Variants in DLG2 observed in about 807,000 individuals in gnomAD.
The protein encoded by DLG2 is disks large homolog 2.
DLG2 carries 45 observed loss-of-function variants against 132.5 expected under a neutral mutation model. The ratio of observed to expected loss-of-function variants is 0.34; its 90% CI spans 0.27 to 0.44. The LOEUF (loss-of-function observed/expected upper bound fraction) is 0.44, where lower values mean the gene tolerates loss of function less well. DLG2 is among the 20% of genes least tolerant of loss of function. The probability of loss-of-function intolerance (pLI) is 1.00; values close to 1 mark genes in which losing one functional copy is unlikely to be tolerated. For synonymous variants in DLG2, 424 were observed against 419.6 expected (o/e 1.01, Z -0.13); for missense variants, 1,045 against 1,196.9 (o/e 0.87, Z 1.87).
intron 11 of DLG2, among the ~76,000 whole-genome samples, chr11:84,052,669 T>C (rs1030560491): frequency 8.6e-5 from 11 of 128,146 alleles, no homozygotes; most frequent in African/African-American, 2.7e-4. Context: ...CCAGCTAGAA[T>C]GGCTATTATT....
At chr11:85,606,895 C>T (rs904831677) in intron 2 of DLG2, among the ~76,000 whole-genome samples, 34 of 152,288 alleles carry the variant, frequency 2.2e-4, no homozygotes, top group African/African-American at 8.2e-4. Context: ...AAGGAAGAAA[C>T]TCTGGACACA....
intron 6 of DLG2, among the ~76,000 whole-genome samples, chr11:84,966,368 G>A (rs1318401453): frequency 6.6e-6 from 1 of 151,990 alleles, no homozygotes; most frequent in Non-Finnish European, 1.5e-5. Flanking sequence ...CACATAATAT[G>A]TTTCCTGAGG....
At chr11:85,571,649 T>C (rs1001447912) in intron 3 of DLG2, among the ~76,000 whole-genome samples, 4 of 152,204 alleles carry the variant, frequency 2.6e-5, no homozygotes, top group Non-Finnish European at 4.4e-5. Flanking sequence ...GGTCTCCCAA[T>C]TTCATAAGAA....
At chr11:84,153,558 T>C (rs2095356607) in intron 9 of DLG2, among the ~76,000 whole-genome samples, 1 of 152,234 alleles carries the variant, frequency 6.6e-6, no homozygotes, top group Admixed American at 6.5e-5. Context: ...ATTTTTTCTT[T>C]ATTTTTGTCT....
chr11:84,308,025 G>A (rs2098244499), intron 7 of DLG2, among the ~76,000 whole-genome samples: 1 of 152,186 alleles, frequency 6.6e-6, no homozygotes, highest in Admixed American at 6.5e-5. Flanking sequence ...GCAGCAGCAA[G>A]ATTTATTGCA....
chr11:85,274,260 A>T (rs1281317119), intron 4 of DLG2, among the ~76,000 whole-genome samples: 2 of 152,222 alleles, frequency 1.3e-5, no homozygotes, highest in Non-Finnish European at 2.9e-5. Flanking sequence ...TAATTAAAAA[A>T]AGTAAGATTA....
At chr11:83,569,505 A>G (rs1407321977) in intron 19 of DLG2, among the ~76,000 whole-genome samples, 1 of 152,178 alleles carries the variant, frequency 6.6e-6, no homozygotes, top group Non-Finnish European at 1.5e-5. Context: ...TTTACAGATG[A>G]GGAAATTGCA....
At chr11:85,068,397 A>C (rs1324909289) in intron 6 of DLG2, among the ~76,000 whole-genome samples, 1 of 152,156 alleles carries the variant, frequency 6.6e-6, no homozygotes, top group Non-Finnish European at 1.5e-5. Context: ...TATATGTAGG[A>C]AACCCCATAG....
chr11:85,518,938 G>A (rs1213568893), intron 3 of DLG2, among the ~76,000 whole-genome samples: 3 of 152,206 alleles, frequency 2.0e-5, no homozygotes, highest in South Asian at 2.1e-4. Context: ...CAGCTTCCAC[G>A]TGGTGTTGAG....
At chr11:84,291,044 C>A (rs563787430) in intron 7 of DLG2, among the ~76,000 whole-genome samples, 1 of 152,252 alleles carries the variant, frequency 6.6e-6, no homozygotes, top group South Asian at 2.1e-4. Flanking sequence ...ACATTCAATA[C>A]ATGTTAGCTA....
At chr11:85,510,541 C>T (rs1038895481) in intron 3 of DLG2, among the ~76,000 whole-genome samples, 1 of 151,852 alleles carries the variant, frequency 6.6e-6, no homozygotes, top group Non-Finnish European at 1.5e-5. Context: ...AAACAAACAA[C>T]CCCATCAAAA....
intron 6 of DLG2, among the ~76,000 whole-genome samples, chr11:84,921,336 G>T (rs942623252): frequency 7.9e-5 from 12 of 152,074 alleles, no homozygotes; most frequent in African/African-American, 2.4e-5. Flanking sequence ...TATATATGCT[G>T]TTTGTGGCAA....
intron 3 of DLG2, among the ~76,000 whole-genome samples, chr11:85,524,768 A>G (rs981085695): frequency 1.3e-5 from 2 of 152,322 alleles, no homozygotes; most frequent in African/African-American, 4.8e-5. Flanking sequence ...TGCTGGGATT[A>G]GAGGTGTAAG....
intron 18 of DLG2, 84 bp from the exon 19 acceptor site, chr11:83,633,409 C>G: frequency 9.0e-7 from 1 of 1,108,626 alleles, no homozygotes; most frequent in East Asian, 2.6e-5. Flanking sequence ...GCCCCTCACC[C>G]ACGTTGTTGG....
chr11:83,479,562 G>GTATC (rs1242016476), intron 22 of DLG2, among the ~76,000 whole-genome samples: 1 of 152,030 alleles, frequency 6.6e-6, no homozygotes, highest in African/African-American at 2.4e-5. Flanking sequence ...GTAAAAATAT[G>GTATC]TATCTATGTT....
At chr11:85,271,962 G>C (rs2077560732) in intron 4 of DLG2, among the ~76,000 whole-genome samples, 1 of 152,308 alleles carries the variant, frequency 6.6e-6, no homozygotes, top group Admixed American at 6.5e-5. Context: ...GGCATGATTA[G>C]TTTTGAAATG....
Position 84,943,167 on chromosome 11 carries a change from C to T in DLG2, c.357+168494G>A, listed in dbSNP as rs7482202. 2.2e-3 allele frequency among the ~76,000 whole-genome samples: 300 copies of T among 137,872 alleles called. 5 individuals carry two copies. The South Asian group carries it at 0.043, about 20-fold the overall frequency. 90.4% of individuals were successfully genotyped at this position (137,872 alleles called of 152,430 possible). On this transcript the variant is annotated intron_variant, in intron 6 of 27. Transcript: ENST00000376104. ...GATTTTTGGGTCGTGTGTGTGTGTG[C>T]GTGTGTGTGTGTGTGTGTGTGTGTG...
At chr11:84,390,955 T>C (rs985360315) in intron 7 of DLG2, among the ~76,000 whole-genome samples, 8 of 152,094 alleles carry the variant, frequency 5.3e-5, no homozygotes, top group Non-Finnish European at 1.2e-4. Flanking sequence ...GAGAGAATGT[T>C]GGAGAGTTGC....
intron 7 of DLG2, among the ~76,000 whole-genome samples, chr11:84,367,533 C>A (rs1188698408): frequency 1.3e-5 from 2 of 152,052 alleles, no homozygotes; most frequent in Non-Finnish European, 2.9e-5. Context: ...GGAACTTAAT[C>A]CCTAATATAA....
Sources: gnomAD v4.1 joint callset for allele counts (sites outside exome capture counted in the v4.1 genomes callset) on GRCh38, gnomAD v4.1.1 for gene constraint, MANE v1.5 for transcripts, NCBI Gene and HGNC (gene_info 2026-07-23, HGNC 2026-07-21) for gene names.